The following USP33 variants were observed in gnomAD, a reference collection of about 807,000 sequenced individuals.
The protein encoded by USP33 is ubiquitin specific peptidase 33, also known as ubiquitin carboxyl-terminal hydrolase 33.
In USP33, 46 loss-of-function variants were observed where a neutral mutation model predicts 124.2. That is an observed-to-expected ratio of 0.37 (90% CI 0.29 to 0.47). USP33 has a LOEUF of 0.47. Ranked by LOEUF, USP33 falls within the 20% of genes least tolerant of loss-of-function variation. USP33 has a pLI of 0.99. For missense variants in USP33, 851 were observed against 1,070.6 expected (o/e 0.79, Z 2.86); for synonymous variants, 350 against 352.3 (o/e 0.99, Z 0.07).
At position 77,697,168 on chromosome 1, in the gene USP33, C is replaced by A; in HGVS notation, c.*149G>T. On this transcript the variant is annotated 3_prime_UTR_variant, in exon 24 of 24. Transcript: ENST00000370794. ...GGTATATTACACATTTTAATATATTCTTCCATAATGCCCACTAAGAAGAAA... is the reference window on the plus strand; with the variant it reads ...GGTATATTACACATTTTAATATATTATTCCATAATGCCCACTAAGAAGAAA... 1 of 699,284 alleles carries A rather than the reference C, an allele frequency of 1.4e-6. No homozygotes were observed. The highest frequency in any genetic ancestry group is 2.3e-6 in the Non-Finnish European group (1 of 436,850). 43.3% of individuals were successfully genotyped at this position (699,284 alleles called of 1,614,324 possible).
intron 1 of USP33, among the ~76,000 whole-genome samples, chr1:77,749,391 T>G (rs1038780435): frequency 1.3e-5 from 2 of 152,010 alleles, no homozygotes; most frequent in Admixed American, 6.6e-5. Context: ...TTGTTTGTTT[T>G]TTTTTTTGGA....
intron 17 of USP33, among the ~76,000 whole-genome samples, chr1:77,716,748 T>A (rs1675951761): frequency 6.6e-6 from 1 of 152,224 alleles, no homozygotes; most frequent in African/African-American, 2.4e-5. Flanking sequence ...AAGTACTGTA[T>A]GTAAAAACTC....
chr1:77,697,787 A>T (rs1673562620), intron 23 of USP33, 76 bp downstream of exon 23: 1 of 1,368,204 alleles, frequency 7.3e-7, no homozygotes, highest in Admixed American at 2.1e-5. Flanking sequence ...AAAGTACTAT[A>T]GATGACTAAT....
At position 77,720,319 on chromosome 1, in the gene USP33, A is replaced by T. The variant is rs968534779; in HGVS notation, c.1691+853T>A. 9 of 985,104 alleles carry T rather than the reference A, an allele frequency of 9.1e-6. No individual in the cohort carries two copies. The African/African-American group carries it at 1.6e-4, about 17-fold the overall frequency. The allele number at this position is 985,104 out of a possible 1,614,324, so 61.0% of individuals were successfully genotyped here. A position where few individuals can be genotyped will look rare whatever the true frequency, so the allele number is the denominator to read the frequency against. On this transcript the variant is annotated intron_variant, in intron 15 of 23. Transcript: ENST00000370794. ...AGATGCAAGGTTCTTTTCCATCTTC[A>T]CTGTTATCTTTTTCTTAGTATGCTT...
At chr1:77,701,807 T>A (rs543086970) in intron 21 of USP33, among the ~76,000 whole-genome samples, 1 of 152,130 alleles carries the variant, frequency 6.6e-6, no homozygotes, top group East Asian at 1.9e-4. Flanking sequence ...GTAGCTAGGA[T>A]TACAGGTGCC....
At position 77,759,649 on chromosome 1, in the gene USP33, G is replaced by T. The variant is rs1038087657; in HGVS notation, c.-58C>A. 2 of 399,194 alleles carry T rather than the reference G, an allele frequency of 5.0e-6. No individual in the cohort carries two copies. Among genetic ancestry groups the T allele is most frequent in the Non-Finnish European group, 8.8e-6 (2 of 226,758 alleles). The allele number at this position is 399,194 out of a possible 1,614,324, so 24.7% of individuals were successfully genotyped here. A position where few individuals can be genotyped will look rare whatever the true frequency, so the allele number is the denominator to read the frequency against. On this transcript the variant is annotated 5_prime_UTR_variant, in exon 1 of 24. Transcript: ENST00000370794. ...CCAGCAGCGCCGCGCTCACCTCCAC[G>T]GCCTGGCCCGCGGGACCCGCCAGCT...
chr1:77,716,783 A>G (rs188907628), intron 17 of USP33, among the ~76,000 whole-genome samples: 7 of 152,234 alleles, frequency 4.6e-5, no homozygotes, highest in Admixed American at 4.6e-4. Flanking sequence ...GGGTTTGTGT[A>G]TATTTTCTAA....
chr1:77,753,969 C>G (rs1389226783), intron 1 of USP33, among the ~76,000 whole-genome samples: 1 of 152,134 alleles, frequency 6.6e-6, no homozygotes. Context: ...GATGCCAGGA[C>G]TTGATACACA....
chr1:77,713,532 G>T, intron 19 of USP33: 2 of 282,998 alleles, frequency 7.1e-6, no homozygotes, highest in South Asian at 9.3e-5. Flanking sequence ...CTACAGGCAT[G>T]CTTCAACACA....
intron 17 of USP33, among the ~76,000 whole-genome samples, chr1:77,716,861 T>C (rs1675967152): frequency 1.3e-5 from 2 of 150,266 alleles, no homozygotes; most frequent in African/African-American, 2.4e-5. Context: ...AACATATTCT[T>C]TTTTTTCTTT....
intron 9 of USP33, among the ~76,000 whole-genome samples, chr1:77,729,121 G>T (rs968644196): frequency 6.6e-6 from 1 of 152,066 alleles, no homozygotes; most frequent in South Asian, 2.1e-4. Context: ...ACCCAGGCTG[G>T]TCTCAAGCTC....
In USP33 at chr1:77,718,162, C is replaced by A. The variant is rs561697316; in HGVS notation, c.1738-115G>T. On this transcript the variant is annotated intron_variant, in intron 16 of 23. Coordinates refer to ENST00000370794, the MANE Select transcript of USP33 (RefSeq NM_201624.3). ...CAAGCAAGAAACTGAGGTGTTCAAT[C>A]AAATTACAATTATGAAGTTATTTAG... 43 of 879,686 alleles carry A rather than the reference C, an allele frequency of 4.9e-5. No homozygotes were observed. The South Asian group carries it at 8.2e-4, about 17-fold the overall frequency. 54.5% of individuals were successfully genotyped at this position (879,686 alleles called of 1,614,324 possible).
At chr1:77,725,555 A>C (rs1677065536) in intron 11 of USP33, 67 bp downstream of exon 11, 1 of 1,521,550 alleles carries the variant, frequency 6.6e-7, no homozygotes. Context: ...TAAATTATCA[A>C]GTACCAAAAC....
chr1:77,721,336 A>C, intron 14 of USP33, 131 bp from the exon 15 acceptor site: 1 of 892,328 alleles, frequency 1.1e-6, no homozygotes, highest in South Asian at 1.6e-5. Context: ...TTTTTAATCT[A>C]TGCTCATGAA....
chr1:77,725,845 G>A, intron 10 of USP33, 83 bp from the exon 11 acceptor site: 9 of 1,271,996 alleles, frequency 7.1e-6, no homozygotes, highest in Non-Finnish European at 9.5e-6. Flanking sequence ...TTCTTAATTT[G>A]ATATTTTGAA....
chr1:77,727,126 GGAATAAAGTTAATGAGATTTA>G (rs1677257149), intron 10 of USP33, among the ~76,000 whole-genome samples: 1 of 152,166 alleles, frequency 6.6e-6, no homozygotes, highest in South Asian at 2.1e-4. Flanking sequence ...CTTTCTGAAG[GGAATAAAGTTAATGAGATTTA>G]GATGGGGAGT....
intron 12 of USP33, 81 bp from the exon 13 acceptor site, chr1:77,722,277 A>C (rs1167727460): frequency 8.2e-6 from 11 of 1,339,300 alleles, no homozygotes; most frequent in Non-Finnish European, 1.1e-5. Context: ...GACTCTAAAG[A>C]TCAAAGCATG....
chr1:77,730,249 T>C (rs1239511986), intron 8 of USP33, among the ~76,000 whole-genome samples: 1 of 152,196 alleles, frequency 6.6e-6, no homozygotes, highest in African/African-American at 2.4e-5. Flanking sequence ...ATGATCCTAA[T>C]GCTAAACTTT....
At chr1:77,711,702 C>A (rs751684952) in intron 21 of USP33, 45 bp downstream of exon 21, 4 of 1,581,000 alleles carry the variant, frequency 2.5e-6, no homozygotes, top group Non-Finnish European at 3.4e-6. Flanking sequence ...ATTGTCAGGT[C>A]TTCATCTTTA....
Sources: allele counts gnomAD v4.1 joint callset (sites outside exome capture counted in the v4.1 genomes callset), GRCh38; gene constraint gnomAD v4.1.1; transcripts MANE v1.5; gene names NCBI Gene and HGNC (gene_info 2026-07-23, HGNC 2026-07-21).